Variants in BRINP3 observed in about 807,000 individuals in gnomAD.
BRINP3 encodes BMP/retinoic acid-inducible neural-specific protein 3.
In BRINP3, 19 loss-of-function variants were observed where a neutral mutation model predicts 71.0. The observed-to-expected ratio is 0.27, with a 90% CI of 0.19 to 0.39. BRINP3 has a LOEUF of 0.39. Among genes scored for constraint, BRINP3 ranks in the 10% least tolerant of loss-of-function variants. The pLI, the probability that BRINP3 is intolerant of heterozygous loss-of-function variation, is 1.00. For missense variants in BRINP3, 959 were observed against 940.8 expected, an observed-to-expected ratio of 1.02 and a Z score of -0.25; for synonymous variants, 380 against 337.7, an observed-to-expected ratio of 1.13 and a Z score of -1.37.
intron 4 of BRINP3, among the ~76,000 whole-genome samples, chr1:190,252,596 G>A (rs1244963914): frequency 2.6e-5 from 4 of 151,960 alleles, no homozygotes; most frequent in South Asian, 4.2e-4. Flanking sequence ...TGCAGTTTCC[G>A]ATTGCCACAA....
chr1:190,203,849 A>G (rs1655258428), intron 6 of BRINP3, among the ~76,000 whole-genome samples: 1 of 133,352 alleles, frequency 7.5e-6, no homozygotes, highest in Non-Finnish European at 1.6e-5. Context: ...CATTTTATCT[A>G]TTGTGTTATT....
chr1:190,241,371 A>G (rs1659077131), intron 4 of BRINP3, among the ~76,000 whole-genome samples: 1 of 152,120 alleles, frequency 6.6e-6, no homozygotes, highest in Admixed American at 6.6e-5. Context: ...CCTAACTCAT[A>G]AATCAAATAC....
intron 2 of BRINP3, among the ~76,000 whole-genome samples, chr1:190,375,607 A>G (rs977081385): frequency 3.9e-5 from 6 of 151,992 alleles, no homozygotes; most frequent in African/African-American, 1.4e-4. Flanking sequence ...TAGGCAACAC[A>G]TATGAACAGG....
At chr1:190,380,928 C>T (rs1220474431) in intron 2 of BRINP3, among the ~76,000 whole-genome samples, 2 of 152,046 alleles carry the variant, frequency 1.3e-5, no homozygotes, top group African/African-American at 4.8e-5. Context: ...TTTATCCCTC[C>T]TCATTATGAT....
intron 2 of BRINP3, among the ~76,000 whole-genome samples, chr1:190,327,415 C>A: frequency 7.6e-6 from 1 of 132,446 alleles, no homozygotes; most frequent in Admixed American, 7.3e-5. Flanking sequence ...TTCAAGAGAC[C>A]CATCTCACAC....
At chr1:190,178,102 C>T (rs939097011) in intron 6 of BRINP3, among the ~76,000 whole-genome samples, 1 of 152,042 alleles carries the variant, frequency 6.6e-6, no homozygotes, top group Non-Finnish European at 1.5e-5. Flanking sequence ...CTTTCAGGGT[C>T]CTGGAACCCC....
chr1:190,329,229 AC>A (rs1348288524), intron 2 of BRINP3, among the ~76,000 whole-genome samples: 1 of 152,062 alleles, frequency 6.6e-6, no homozygotes, highest in Non-Finnish European at 1.5e-5. Flanking sequence ...AAGAAGTCAA[AC>A]TACCTCTTTT....
intron 6 of BRINP3, among the ~76,000 whole-genome samples, chr1:190,215,535 AAATT>A (rs1424281631): frequency 5.3e-5 from 8 of 151,990 alleles, no homozygotes; most frequent in South Asian, 2.1e-4. Flanking sequence ...TTGATAAAGA[AAATT>A]AATAGTTTAC....
At position 190,160,864 on chromosome 1, in the gene BRINP3, G is replaced by A. The variant is rs749547925; in HGVS notation, c.988C>T (p.Leu330=). The A allele has an allele frequency of 6.2e-7, 1 of 1,604,540 alleles. No homozygotes were observed. The highest frequency in any genetic ancestry group is 1.1e-5 in the South Asian group (1 of 88,990). The change falls in exon 7 of 8, where the codon CTA becomes TTA. Residue 330 remains leucine, a synonymous_variant. Transcript: ENST00000367462. Reference sequence around the variant, plus strand: ...GTGTTGAGGAAATAATTCATAGGTAGCCTTTTCATAAATAACTTGAATTCA... The same window carrying A: ...GTGTTGAGGAAATAATTCATAGGTAACCTTTTCATAAATAACTTGAATTCA... ...SDEFKLFMKR[L]PMNYFLNTST...
At position 190,451,529 on chromosome 1, in the gene BRINP3, TC is replaced by T. The variant is rs368690476; in HGVS notation, c.236+3125del. ...TCTATGCGGCAGAGTAGACAAAATT[TC>T]TCCAGGAATAGCTCACTTTCTGAAA... On this transcript the variant is annotated intron_variant, in intron 2 of 7. Coordinates refer to ENST00000367462, the MANE Select transcript of BRINP3 (RefSeq NM_199051.3). Among the ~76,000 whole-genome samples the T allele has an allele frequency of 1.1e-3, 165 of 152,006 alleles. 5 individuals carry two copies. In the South Asian group the frequency reaches 0.022, roughly 20 times the overall value.
intron 1 of BRINP3, among the ~76,000 whole-genome samples, chr1:190,457,687 G>T (rs1484314263): frequency 1.3e-5 from 2 of 152,118 alleles, no homozygotes; most frequent in Admixed American, 6.6e-5. Context: ...ATACTGGTAT[G>T]AAGCCATGCC....
At chr1:190,307,375 T>G (rs1409073124) in intron 2 of BRINP3, among the ~76,000 whole-genome samples, 5 of 149,150 alleles carry the variant, frequency 3.4e-5, no homozygotes, top group African/African-American at 1.2e-4. Flanking sequence ...TTCAAATTAT[T>G]CTCATGACTC....
intron 7 of BRINP3, among the ~76,000 whole-genome samples, chr1:190,100,799 A>C (rs199883604): frequency 6.6e-6 from 1 of 152,222 alleles, no homozygotes; most frequent in East Asian, 1.9e-4. Flanking sequence ...TATACTGAAA[A>C]TCACTGATTG....
chr1:190,256,373 C>T (rs866200958), intron 4 of BRINP3, among the ~76,000 whole-genome samples: 35 of 152,070 alleles, frequency 2.3e-4, no homozygotes, highest in African/African-American at 7.5e-4. Flanking sequence ...TATTTTGAGC[C>T]TATGTGTCTC....
At chr1:190,120,073 C>A (rs1001402070) in intron 7 of BRINP3, among the ~76,000 whole-genome samples, 1 of 152,136 alleles carries the variant, frequency 6.6e-6, no homozygotes, top group Non-Finnish European at 1.5e-5. Flanking sequence ...AATTTATTTT[C>A]TCTTTTGCAG....
chr1:190,308,235 A>G (rs192036080), intron 2 of BRINP3, among the ~76,000 whole-genome samples: 1 of 149,958 alleles, frequency 6.7e-6, no homozygotes, highest in African/African-American at 2.5e-5. Context: ...CGGCAACCTA[A>G]ACATAATTTT....
chr1:190,328,329 T>A (rs938143902), intron 2 of BRINP3, among the ~76,000 whole-genome samples: 1 of 151,622 alleles, frequency 6.6e-6, no homozygotes, highest in African/African-American at 2.4e-5. Flanking sequence ...CAAAGAAAAA[T>A]ACACAGAAGA....
chr1:190,112,612 A>T (rs2102287096), intron 7 of BRINP3, among the ~76,000 whole-genome samples: 1 of 152,262 alleles, frequency 6.6e-6, no homozygotes, highest in Non-Finnish European at 1.5e-5. Context: ...TTTTAATCTA[A>T]TGTGTACTTT....
chr1:190,114,952 C>T (rs1653004033), intron 7 of BRINP3, among the ~76,000 whole-genome samples: 1 of 152,180 alleles, frequency 6.6e-6, no homozygotes, highest in Non-Finnish European at 1.5e-5. Flanking sequence ...AGTGAGGATT[C>T]TCATAGCTAT....
Sources: allele counts gnomAD v4.1 joint callset (sites outside exome capture counted in the v4.1 genomes callset), GRCh38; gene constraint gnomAD v4.1.1; transcripts MANE v1.5; gene names NCBI Gene and HGNC (gene_info 2026-07-23, HGNC 2026-07-21).